The following ZNF536 variants were observed in gnomAD, a reference collection of about 807,000 sequenced individuals.
The protein encoded by ZNF536 is zinc finger protein 536.
A neutral mutation model predicts 84.5 loss-of-function variants in ZNF536; 13 were observed. The ratio of observed to expected loss-of-function variants is 0.15; its 90% CI spans 0.10 to 0.24. ZNF536 has a LOEUF of 0.24. ZNF536 is among the 10% of genes least tolerant of loss of function. The pLI, the probability that ZNF536 is intolerant of heterozygous loss-of-function variation, is 1.00. For synonymous variants in ZNF536, 811 were observed against 742.5 expected (o/e 1.09, Z -1.50); for missense variants, 1,536 against 1,747.5 (o/e 0.88, Z 2.16).
intron 1 of ZNF536, among the ~76,000 whole-genome samples, chr19:30,274,440 A>C (rs2026017670): frequency 2.0e-5 from 3 of 152,258 alleles, no homozygotes; most frequent in Admixed American, 2.0e-4. Flanking sequence ...AGTATAAAGA[A>C]TATTAATGAG....
intron 1 of ZNF536, among the ~76,000 whole-genome samples, chr19:30,695,729 G>T (rs2051629257): frequency 6.6e-6 from 1 of 152,180 alleles, no homozygotes; most frequent in Admixed American, 6.5e-5. Flanking sequence ...ACTTGGTATG[G>T]ATGGTGTGGC....
chr19:30,278,037 G>C (rs939939243), intron 1 of ZNF536, among the ~76,000 whole-genome samples: 2 of 152,164 alleles, frequency 1.3e-5, no homozygotes, highest in Admixed American at 6.5e-5. Flanking sequence ...TGGTGACTTG[G>C]GACCCGATGT....
intron 2 of ZNF536, among the ~76,000 whole-genome samples, chr19:30,297,782 T>G (rs887008628): frequency 6.6e-6 from 1 of 152,022 alleles, no homozygotes; most frequent in Non-Finnish European, 1.5e-5. Flanking sequence ...GTTATGCATG[T>G]GTATAGCATG....
chr19:30,559,315 C>T (rs531208695), downstream of ZNF536, among the ~76,000 whole-genome samples: 147 of 152,314 alleles, frequency 9.7e-4, 1 homozygote, highest in Non-Finnish European at 1.6e-3. Flanking sequence ...AGTGAATGAC[C>T]CTAACCTCCA....
intron 1 of ZNF536, among the ~76,000 whole-genome samples, chr19:30,579,509 A>G (rs1411755177): frequency 3.3e-5 from 5 of 152,168 alleles, no homozygotes; most frequent in Admixed American, 2.6e-4. Flanking sequence ...GCTCGTTCTC[A>G]TGATGGAGGC....
At chr19:30,551,570 C>CA (rs2146290617) in intron 4 of ZNF536, among the ~76,000 whole-genome samples, 1 of 152,330 alleles carries the variant, frequency 6.6e-6, no homozygotes, top group East Asian at 1.9e-4. Flanking sequence ...TTGTGCCCCC[C>CA]ACCCCTCGCC....
chr19:30,573,122 T>G (rs2046610657), intron 1 of ZNF536, among the ~76,000 whole-genome samples: 1 of 152,108 alleles, frequency 6.6e-6, no homozygotes, highest in Admixed American at 6.5e-5. Flanking sequence ...CTTTTAGACC[T>G]CAGGACCCAG....
intron 3 of ZNF536, among the ~76,000 whole-genome samples, chr19:30,366,377 T>TATC (rs1162638342): frequency 6.6e-6 from 1 of 151,862 alleles, no homozygotes; most frequent in Non-Finnish European, 1.5e-5. Context: ...TCTATCTATC[T>TATC]ATCTATCTAT....
chr19:30,529,439 G>A lies in ZNF536; in HGVS notation c.2171-5408G>A, dbSNP rs574169083. ...GTTTCTTTGTCTAACTGGTACTGCC[G>A]CTTTGTGGTCCAGTGGATGATGAGG... On this transcript the variant is annotated intron_variant, in intron 2 of 4. Coordinates refer to ENST00000355537, the MANE Select transcript of ZNF536 (RefSeq NM_014717.3). Among the ~76,000 whole-genome samples, 8 of 152,154 alleles carry A rather than the reference G, an allele frequency of 5.3e-5. No homozygotes were observed. In the South Asian group the frequency reaches 8.3e-4, roughly 16 times the overall value.
chr19:30,620,448 C>T (rs745766830), intron 1 of ZNF536, among the ~76,000 whole-genome samples: 27 of 152,148 alleles, frequency 1.8e-4, no homozygotes, highest in Non-Finnish European at 3.2e-4. Flanking sequence ...CTGGAAGGGA[C>T]AGTGGAACTG....
At chr19:30,419,166 A>AT (rs1166490539) in intron 1 of ZNF536, among the ~76,000 whole-genome samples, 1 of 152,206 alleles carries the variant, frequency 6.6e-6, no homozygotes, top group African/African-American at 2.4e-5. Context: ...TTCACTTGAA[A>AT]TGTTATCATG....
chr19:30,229,347 A>T (rs2022838562), intron 1 of ZNF536, among the ~76,000 whole-genome samples: 3 of 152,148 alleles, frequency 2.0e-5, no homozygotes, highest in South Asian at 4.1e-4. Context: ...ATGTAGCTGC[A>T]TTTATAAAAT....
intron 1 of ZNF536, among the ~76,000 whole-genome samples, chr19:30,442,027 G>T (rs915030677): frequency 1.3e-5 from 2 of 152,240 alleles, no homozygotes; most frequent in African/African-American, 4.8e-5. Flanking sequence ...CCAGAAATCA[G>T]TCCCGGCTGG....
chr19:30,431,439 C>A (rs982333958), intron 1 of ZNF536, among the ~76,000 whole-genome samples: 2 of 152,190 alleles, frequency 1.3e-5, no homozygotes, highest in Admixed American at 1.3e-4. Flanking sequence ...TAGTAATGAT[C>A]GTGCTTACTT....
chr19:30,402,940 C>G (rs2050115041), intron 1 of ZNF536, among the ~76,000 whole-genome samples: 1 of 151,726 alleles, frequency 6.6e-6, no homozygotes, highest in South Asian at 2.1e-4. Context: ...TTGTGAGGCC[C>G]AAACCCAAAG....
intron 1 of ZNF536, among the ~76,000 whole-genome samples, chr19:30,609,280 G>C (rs732878): frequency 0.63 from 95,652 of 152,046 alleles, 30,267 homozygotes; most frequent in East Asian, 0.73. Context: ...AATGGAAACA[G>C]GGTCAAATAT....
At chr19:30,397,465 T>C (rs2049869678) in intron 1 of ZNF536, among the ~76,000 whole-genome samples, 1 of 152,240 alleles carries the variant, frequency 6.6e-6, no homozygotes, top group African/African-American at 2.4e-5. Context: ...CTATCTATCA[T>C]TATTCAGGAT....
intron 1 of ZNF536, among the ~76,000 whole-genome samples, chr19:30,263,304 C>G (rs769598310): frequency 2.0e-4 from 31 of 152,186 alleles, no homozygotes; most frequent in Non-Finnish European, 4.0e-4. Flanking sequence ...TACTGGGTCC[C>G]TGCCCTGTCT....
At chr19:30,417,349 CG>C (rs1568408829) in intron 1 of ZNF536, among the ~76,000 whole-genome samples, 1 of 151,712 alleles carries the variant, frequency 6.6e-6, no homozygotes, top group East Asian at 1.9e-4. Context: ...CCTGGCATGC[CG>C]ATGACCTGCT....
Sources: gnomAD v4.1 joint callset for allele counts (sites outside exome capture counted in the v4.1 genomes callset) on GRCh38, gnomAD v4.1.1 for gene constraint, MANE v1.5 for transcripts, NCBI Gene and HGNC (gene_info 2026-07-23, HGNC 2026-07-21) for gene names.